FMN1: variants seen among roughly 807,000 people sequenced by gnomAD.
FMN1 encodes the protein formin 1.
FMN1 carries 110 observed loss-of-function variants against 132.4 expected under a neutral mutation model. That is an observed-to-expected ratio of 0.83 (90% CI 0.71 to 0.97). The LOEUF (loss-of-function observed/expected upper bound fraction) is 0.97, where lower values mean the gene tolerates loss of function less well. FMN1 is among the 50% of genes least tolerant of loss of function. The pLI is 0.00. For missense variants in FMN1, 1,792 were observed against 1,705.3 expected, an observed-to-expected ratio of 1.05 and a Z score of -0.90; for synonymous variants, 722 against 651.7, an observed-to-expected ratio of 1.11 and a Z score of -1.64.
Position 32,957,491 on chromosome 15 carries a change from CACGATATGT to C in FMN1, c.3138+6607_3138+6615del, listed in dbSNP as rs555384191. ...TTTCAGTGAAAAGAGACTATACAAA[CACGATATGT>C]ACTACTAGATGTCCGAATGTATCAC... On this transcript the variant is annotated intron_variant, in intron 9 of 20. Transcript: ENST00000616417. Among the ~76,000 whole-genome samples, 20 of 151,818 alleles carry C rather than the reference CACGATATGT, an allele frequency of 1.3e-4. No individual in the cohort carries two copies. The East Asian group carries it at 3.9e-3, about 29-fold the overall frequency.
intron 4 of FMN1, among the ~76,000 whole-genome samples, chr15:33,115,542 GCCTCCCTCACATACAC>G (rs1422029799): frequency 2.1e-5 from 3 of 145,622 alleles, no homozygotes; most frequent in Non-Finnish European, 3.0e-5. Context: ...TGTCTTGCCA[GCCTCCCTCACATACAC>G]CCTCCCCCAC....
chr15:32,919,964 A>C (rs1041549868), intron 10 of FMN1, among the ~76,000 whole-genome samples: 2 of 152,236 alleles, frequency 1.3e-5, no homozygotes, highest in Non-Finnish European at 2.9e-5. Flanking sequence ...AAACAGAAAG[A>C]AAGCCAATGT....
In FMN1 at chr15:32,769,132, A is replaced by T. The variant is rs541706170; in HGVS notation, c.*5178T>A. The T allele has an allele frequency of 1.3e-5, 2 of 152,358 alleles. No homozygotes were observed. Among genetic ancestry groups the T allele is most frequent in the East Asian group, 3.9e-4 (2 of 5,186 alleles). 9.4% of individuals were successfully genotyped at this position (152,358 alleles called of 1,614,324 possible). On this transcript the variant is annotated 3_prime_UTR_variant, in exon 21 of 21. Transcript: ENST00000616417. ...ATCTCTCCATTGGTAGAAATTGCAT[A>T]GTGGCTTAAGAGACAGTTAGCCAGC...
In FMN1 at chr15:33,008,101, TA is replaced by T. The variant is rs771305459; in HGVS notation, c.2162-27del. On this transcript the variant is annotated intron_variant, in intron 6 of 20. Coordinates refer to ENST00000616417, the MANE Select transcript of FMN1 (RefSeq NM_001277313.2). ...CTGTAAAATCAAAAAAGAGGCCAAT[TA>T]TAAAGAAGTACAAAATTAAGCACAA... 1.9e-6 allele frequency: 3 copies of T among 1,553,778 alleles called. No individual in the cohort carries two copies. In the Admixed American group the frequency reaches 5.6e-5, roughly 29 times the overall value.
At chr15:33,171,935 C>A (rs536306868) in intron 3 of FMN1, among the ~76,000 whole-genome samples, 1 of 152,114 alleles carries the variant, frequency 6.6e-6, no homozygotes, top group Non-Finnish European at 1.5e-5. Context: ...TTTGGCCGGG[C>A]GCGGTGGCTC....
At chr15:33,191,989 A>C (rs568928091) in intron 2 of FMN1, among the ~76,000 whole-genome samples, 49 of 152,366 alleles carry the variant, frequency 3.2e-4, no homozygotes, top group African/African-American at 1.2e-3. Flanking sequence ...TACTCTTAAA[A>C]CCAGGTCCCA....
At chr15:33,086,997 G>A (rs935314653) in intron 5 of FMN1, among the ~76,000 whole-genome samples, 4 of 152,226 alleles carry the variant, frequency 2.6e-5, no homozygotes, top group African/African-American at 9.6e-5. Flanking sequence ...AGGTCTGAAA[G>A]TAATGAGCCG....
At chr15:32,965,463 A>C (rs1403874511) in intron 8 of FMN1, among the ~76,000 whole-genome samples, 1 of 152,224 alleles carries the variant, frequency 6.6e-6, no homozygotes, top group Non-Finnish European at 1.5e-5. Flanking sequence ...CTTATTGTTT[A>C]TCAAACATAG....
At chr15:32,853,328 T>C (rs1185775607) in intron 17 of FMN1, among the ~76,000 whole-genome samples, 3 of 152,230 alleles carry the variant, frequency 2.0e-5, no homozygotes, top group African/African-American at 7.2e-5. Context: ...CCAAAATTGA[T>C]AGAATTTTCA....
intron 7 of FMN1, among the ~76,000 whole-genome samples, chr15:32,984,899 T>C (rs2032955957): frequency 6.6e-6 from 1 of 151,282 alleles, no homozygotes; most frequent in Admixed American, 6.6e-5. Context: ...TTAACATATT[T>C]ATTGATACGT....
At chr15:32,827,269 T>A (rs2058389676) in intron 17 of FMN1, among the ~76,000 whole-genome samples, 1 of 152,194 alleles carries the variant, frequency 6.6e-6, no homozygotes, top group Non-Finnish European at 1.5e-5. Context: ...AGCAACAAAA[T>A]GATTGTCTTT....
At chr15:33,050,354 G>C (rs1280347552) in intron 6 of FMN1, among the ~76,000 whole-genome samples, 4 of 152,064 alleles carry the variant, frequency 2.6e-5, no homozygotes, top group Non-Finnish European at 5.9e-5. Flanking sequence ...GTCATGGCAA[G>C]TTAGAGCCTA....
At chr15:33,070,991 T>A (rs372249685) in intron 5 of FMN1, among the ~76,000 whole-genome samples, 3 of 152,158 alleles carry the variant, frequency 2.0e-5, no homozygotes, top group South Asian at 2.1e-4. Context: ...GCATCCACAC[T>A]CTCAACCACT....
rs191535301 is a variant in FMN1, at chr15:33,070,076, G to A, written c.2044-5002C>T. On this transcript the variant is annotated intron_variant, in intron 5 of 20. Coordinates refer to ENST00000616417, the MANE Select transcript of FMN1 (RefSeq NM_001277313.2). The stretch of plus-strand genomic sequence containing the variant: ...GCTGGAGTGGAATGGTGCAATCTCC[G>A]CTCACCACAACCCCCGCCTCCCGGG... Among the ~76,000 whole-genome samples the A allele has an allele frequency of 3.8e-3, 468 of 123,000 alleles. 3 individuals carry two copies. Among genetic ancestry groups the A allele is most frequent in the Middle Eastern group, 6.5e-3 (1 of 154 alleles). 80.7% of individuals were successfully genotyped at this position (123,000 alleles called of 152,430 possible). A position where few individuals can be genotyped will look rare whatever the true frequency, so the allele number is the denominator to read the frequency against.
chr15:33,170,408 C>T lies in FMN1; in HGVS notation c.-132+9790G>A, dbSNP rs113103940. On this transcript the variant is annotated intron_variant, in intron 3 of 20. Coordinates refer to ENST00000616417, the MANE Select transcript of FMN1 (RefSeq NM_001277313.2). ...CACAGGCAACAAAACCAAAAATAGA[C>T]AAATGGGACTATGTTAAACTAGGAA... is the stretch of plus-strand genomic sequence containing the variant. 1.9e-3 allele frequency among the ~76,000 whole-genome samples: 285 copies of T among 152,172 alleles called. 1 individual carries two copies. Among genetic ancestry groups the T allele is most frequent in the African/African-American group, 6.4e-3 (266 of 41,538 alleles).
At chr15:32,982,322 G>C (rs1214265833) in intron 7 of FMN1, among the ~76,000 whole-genome samples, 1 of 152,176 alleles carries the variant, frequency 6.6e-6, no homozygotes, top group Non-Finnish European at 1.5e-5. Context: ...GATGGGAATG[G>C]ACAGTGGTAC....
At chr15:32,872,576 G>A (rs12594394) in intron 16 of FMN1, among the ~76,000 whole-genome samples, 50,774 of 152,086 alleles carry the variant, frequency 0.33, 9,230 homozygotes, top group African/African-American at 0.48. Context: ...ACACATACAC[G>A]TCTTGAAGGC....
intron 4 of FMN1, among the ~76,000 whole-genome samples, chr15:33,145,603 G>A (rs533071616): frequency 1.1e-4 from 17 of 151,554 alleles, no homozygotes; most frequent in East Asian, 5.9e-4. Flanking sequence ...GTCCCTCCCC[G>A]TGGTAGCCGC....
At chr15:32,839,933 A>C (rs913852827) in intron 17 of FMN1, among the ~76,000 whole-genome samples, 4 of 152,218 alleles carry the variant, frequency 2.6e-5, no homozygotes, top group Non-Finnish European at 5.9e-5. Flanking sequence ...TGGGAGGGAG[A>C]TCTACACCGC....
Sources: allele counts gnomAD v4.1 joint callset (sites outside exome capture counted in the v4.1 genomes callset), GRCh38; gene constraint gnomAD v4.1.1; transcripts MANE v1.5; gene names NCBI Gene and HGNC (gene_info 2026-07-23, HGNC 2026-07-21).